The following PRKCQ variants were observed in gnomAD, a reference collection of about 807,000 sequenced individuals.
PRKCQ encodes protein kinase C theta.
In PRKCQ, 41 loss-of-function variants were observed where a neutral mutation model predicts 91.2. The observed-to-expected ratio is 0.45, with a 90% CI of 0.35 to 0.58. The LOEUF (loss-of-function observed/expected upper bound fraction) is 0.58, where lower values mean the gene tolerates loss of function less well. Among genes scored for constraint, PRKCQ ranks in the 20% least tolerant of loss-of-function variants. The probability of loss-of-function intolerance (pLI) is 0.00; values close to 1 mark genes in which losing one functional copy is unlikely to be tolerated. For missense variants in PRKCQ, 673 were observed against 896.5 expected (o/e 0.75, Z 3.18); for synonymous variants, 307 against 316.9 (o/e 0.97, Z 0.33).
At chr10:6,424,647 C>T (rs1434126867), downstream of PRKCQ, among the ~76,000 whole-genome samples, 1 of 152,166 alleles carries the variant, frequency 6.6e-6, no homozygotes, top group African/African-American at 2.4e-5. Flanking sequence ...GCTCTGAGAG[C>T]TCAGACCCCT....
downstream of PRKCQ, among the ~76,000 whole-genome samples, chr10:6,423,242 A>G (rs1688126588): frequency 6.6e-6 from 1 of 152,170 alleles, no homozygotes; most frequent in African/African-American, 2.4e-5. Flanking sequence ...GCATGTAGGG[A>G]ACAATGAGTC....
intron 1 of PRKCQ, among the ~76,000 whole-genome samples, chr10:6,577,545 A>G (rs1169545327): frequency 6.6e-6 from 1 of 152,162 alleles, no homozygotes; most frequent in Non-Finnish European, 1.5e-5. Context: ...CAGATTACAC[A>G]CACACATACA....
At chr10:6,415,455 T>TATAC in the PRKCQ span, among the ~76,000 whole-genome samples, 4 of 118,694 alleles carry the variant, frequency 3.4e-5, no homozygotes, top group African/African-American at 9.9e-5. Context: ...TATATATATA[T>TATAC]ACACTTACTC....
At position 6,486,936 on chromosome 10, in the gene PRKCQ, G is replaced by T. The variant is rs138380998; in HGVS notation, c.791-792C>A. On this transcript the variant is annotated intron_variant, in intron 8 of 17. Transcript: ENST00000263125. Reference sequence around the variant, plus strand: ...GGAGGAGGCTAGCAATGCCAGGAGAGGTCACGGCAGAACACACCTAGCAAG... The same window carrying T: ...GGAGGAGGCTAGCAATGCCAGGAGATGTCACGGCAGAACACACCTAGCAAG... Among the ~76,000 whole-genome samples the T allele has an allele frequency of 8.5e-5, 13 of 152,300 alleles. No homozygotes were observed. In the East Asian group the frequency reaches 2.5e-3, roughly 29 times the overall value.
chr10:6,553,517 ACAAACAAAC>A (rs1296556421), intron 1 of PRKCQ, among the ~76,000 whole-genome samples: 3 of 145,124 alleles, frequency 2.1e-5, no homozygotes, highest in African/African-American at 8.3e-5. Flanking sequence ...AAAAAAAAAA[ACAAACAAAC>A]AAAAGAAGAA....
At chr10:6,411,045 G>A in the PRKCQ span, among the ~76,000 whole-genome samples, 678 of 151,036 alleles carry the variant, frequency 4.5e-3, 4 homozygotes, top group African/African-American at 0.016. Flanking sequence ...CACGGCGGAC[G>A]ATTAGAGCTA....
intron 1 of PRKCQ, among the ~76,000 whole-genome samples, chr10:6,567,581 G>A (rs923412409): frequency 7.9e-5 from 12 of 152,206 alleles, no homozygotes; most frequent in African/African-American, 2.7e-4. Flanking sequence ...ACATCCCTGA[G>A]GTCACCAAGG....
At chr10:6,461,621 C>A (rs1835355610) in intron 14 of PRKCQ, among the ~76,000 whole-genome samples, 1 of 152,158 alleles carries the variant, frequency 6.6e-6, no homozygotes, top group African/African-American at 2.4e-5. Context: ...TGGAGAGATC[C>A]TTCCTTGTTA....
chr10:6,414,369 A>G, the PRKCQ span, among the ~76,000 whole-genome samples: 4 of 152,246 alleles, frequency 2.6e-5, no homozygotes, highest in Admixed American at 2.6e-4. Context: ...GTTTTTAAGA[A>G]TACAGAAATG....
chr10:6,425,296 C>T (rs1833089373), downstream of PRKCQ, among the ~76,000 whole-genome samples: 1 of 151,006 alleles, frequency 6.6e-6, no homozygotes, highest in Admixed American at 6.6e-5. Context: ...GCGATCTCAG[C>T]TCACTGCGAC....
chr10:6,575,795 A>T (rs769943273), intron 1 of PRKCQ, among the ~76,000 whole-genome samples: 135 of 152,334 alleles, frequency 8.9e-4, no homozygotes, highest in Non-Finnish European at 1.3e-3. Context: ...TAATCTCAGC[A>T]CTTTGGGAGG....
chr10:6,492,140 C>T, intron 7 of PRKCQ, among the ~76,000 whole-genome samples: 1 of 151,958 alleles, frequency 6.6e-6, no homozygotes, highest in Admixed American at 6.6e-5. Flanking sequence ...GGAAACAGTG[C>T]TCCCATTTAA....
At chr10:6,449,932 A>C (rs1000321715) in intron 15 of PRKCQ, among the ~76,000 whole-genome samples, 2 of 152,230 alleles carry the variant, frequency 1.3e-5, no homozygotes, top group African/African-American at 4.8e-5. Flanking sequence ...TCCTGAAGGA[A>C]GCACTAAACA....
At chr10:6,572,295 G>A (rs1159953266) in intron 1 of PRKCQ, among the ~76,000 whole-genome samples, 1 of 152,094 alleles carries the variant, frequency 6.6e-6, no homozygotes, top group Non-Finnish European at 1.5e-5. Context: ...GGGTAAACGT[G>A]CCATGGTGGT....
chr10:6,487,607 G>T (rs1837000287), intron 8 of PRKCQ, among the ~76,000 whole-genome samples: 1 of 152,196 alleles, frequency 6.6e-6, no homozygotes, highest in African/African-American at 2.4e-5. Flanking sequence ...TCCATTGCCA[G>T]TGACCAAGAG....
intron 1 of PRKCQ, among the ~76,000 whole-genome samples, chr10:6,526,805 C>A (rs1783196722): frequency 6.6e-6 from 1 of 152,186 alleles, no homozygotes; most frequent in Non-Finnish European, 1.5e-5. Context: ...GAGTGCAGAG[C>A]AGACTTATTT....
intron 1 of PRKCQ, among the ~76,000 whole-genome samples, chr10:6,568,103 T>C (rs1273538093): frequency 1.3e-5 from 2 of 152,030 alleles, no homozygotes; most frequent in Non-Finnish European, 2.9e-5. Context: ...CCAGGCATGG[T>C]GCTGTGAGCC....
At chr10:6,405,767 A>G in the PRKCQ span, among the ~76,000 whole-genome samples, 7 of 152,300 alleles carry the variant, frequency 4.6e-5, no homozygotes, top group Non-Finnish European at 8.8e-5. Flanking sequence ...TGCTACTGGA[A>G]GGGTCAGGCT....
chr10:6,556,462 C>T (rs952012787), intron 1 of PRKCQ, among the ~76,000 whole-genome samples: 1 of 142,890 alleles, frequency 7.0e-6, no homozygotes, highest in Non-Finnish European at 1.5e-5. Context: ...AAAAGCAACA[C>T]TTAATATGAG....
Sources: gnomAD v4.1 joint callset for allele counts (sites outside exome capture counted in the v4.1 genomes callset) on GRCh38, gnomAD v4.1.1 for gene constraint, MANE v1.5 for transcripts, NCBI Gene and HGNC (gene_info 2026-07-23, HGNC 2026-07-21) for gene names.